KALRN: variants seen among roughly 807,000 people sequenced by gnomAD.
KALRN encodes the protein kalirin RhoGEF kinase.
A neutral mutation model predicts 353.7 loss-of-function variants in KALRN; 70 were observed. That is an observed-to-expected ratio of 0.20 (90% CI 0.16 to 0.24). The LOEUF (loss-of-function observed/expected upper bound fraction) is 0.24. KALRN is among the 10% of genes least tolerant of loss of function. The pLI, the probability that KALRN is intolerant of heterozygous loss-of-function variation, is 1.00. For missense variants in KALRN, 2,791 were observed against 3,756.7 expected, an observed-to-expected ratio of 0.74 and a Z score of 6.72; for synonymous variants, 1,391 against 1,434.8, an observed-to-expected ratio of 0.97 and a Z score of 0.69.
At chr3:124,382,154 G>T (rs1386333430) in intron 10 of KALRN, among the ~76,000 whole-genome samples, 1 of 152,160 alleles carries the variant, frequency 6.6e-6, no homozygotes, top group East Asian at 1.9e-4. Context: ...TATGATGGCT[G>T]CATCAACTTC....
intron 38 of KALRN, among the ~76,000 whole-genome samples, chr3:124,652,770 G>A (rs892506850): frequency 7.2e-5 from 11 of 152,112 alleles, no homozygotes; most frequent in Admixed American, 2.0e-4. Flanking sequence ...GTAGAGACGG[G>A]GTTTCACCGT....
intron 19 of KALRN, among the ~76,000 whole-genome samples, chr3:124,444,627 C>T (rs1434077589): frequency 2.0e-5 from 3 of 148,236 alleles, no homozygotes; most frequent in Non-Finnish European, 3.0e-5. Flanking sequence ...GTGAGACCCC[C>T]ATCTCTACAA....
chr3:124,458,899 A>C (rs148310918), intron 23 of KALRN, among the ~76,000 whole-genome samples: 1,591 of 152,322 alleles, frequency 0.01, 47 homozygotes, highest in Admixed American at 0.046. Context: ...GCTCCACTGC[A>C]CTCCAGCCTG....
At chr3:124,630,861 C>T (rs896783473) in intron 34 of KALRN, among the ~76,000 whole-genome samples, 2 of 152,176 alleles carry the variant, frequency 1.3e-5, no homozygotes, top group Non-Finnish European at 2.9e-5. Context: ...AACTCTTGTT[C>T]TCCAATCACT....
At chr3:124,319,547 A>G (rs1413021157) in intron 6 of KALRN, among the ~76,000 whole-genome samples, 1 of 148,924 alleles carries the variant, frequency 6.7e-6, no homozygotes, top group African/African-American at 2.4e-5. Flanking sequence ...AGTTTTAATA[A>G]CCCTTTTCTC....
At chr3:124,063,202 C>CA (rs1455317616) in intron 1 of KALRN, among the ~76,000 whole-genome samples, 1 of 152,222 alleles carries the variant, frequency 6.6e-6, no homozygotes, top group African/African-American at 2.4e-5. Context: ...ATATGCCAGT[C>CA]AGTCTGTCTC....
At chr3:124,146,451 G>GA (rs929848720) in intron 1 of KALRN, among the ~76,000 whole-genome samples, 4 of 151,396 alleles carry the variant, frequency 2.6e-5, no homozygotes, top group Admixed American at 1.3e-4. Flanking sequence ...AATAAAAGCA[G>GA]AAAAAAAAAT....
intron 1 of KALRN, among the ~76,000 whole-genome samples, chr3:124,143,509 A>G (rs2066895459): frequency 6.6e-6 from 1 of 152,180 alleles, no homozygotes; most frequent in Non-Finnish European, 1.5e-5. Flanking sequence ...GCAACTTGCG[A>G]GCTGTGTGGC....
In KALRN at chr3:124,136,970, G is replaced by A. The variant is rs951204550; in HGVS notation, c.74-91020G>A. On this transcript the variant is annotated intron_variant, in intron 1 of 59. Transcript: ENST00000682506. The stretch of plus-strand genomic sequence containing the variant: ...GCCCTGAGCAGACCCGGATGATTAG[G>A]GAACAGGGTTGATGGGGCAGAGCAG... 2.5e-4 allele frequency among the ~76,000 whole-genome samples: 38 copies of A among 152,184 alleles called. 1 individual carries two copies. The highest frequency in any genetic ancestry group is 9.2e-4 in the African/African-American group (38 of 41,446).
At chr3:124,328,199 T>C (rs1465884823) in intron 7 of KALRN, among the ~76,000 whole-genome samples, 1 of 152,208 alleles carries the variant, frequency 6.6e-6, no homozygotes, top group Non-Finnish European at 1.5e-5. Context: ...GGCCATATCT[T>C]TTTGTCGCCG....
chr3:124,703,086 A>G (rs1400435214), intron 57 of KALRN, among the ~76,000 whole-genome samples: 1 of 152,204 alleles, frequency 6.6e-6, no homozygotes, highest in Non-Finnish European at 1.5e-5. Flanking sequence ...TGGGCCATTG[A>G]CATCATTTCT....
intron 33 of KALRN, among the ~76,000 whole-genome samples, chr3:124,517,417 C>A (rs1435716624): frequency 1.3e-5 from 2 of 152,148 alleles, no homozygotes; most frequent in Admixed American, 6.5e-5. Context: ...GTGATAGAAC[C>A]TTTCACATCA....
At position 124,329,739 on chromosome 3, in the gene KALRN, G is replaced by A. The variant is rs2080314176; in HGVS notation, c.1285-122G>A. 7.3e-6 allele frequency: 8 copies of A among 1,098,558 alleles called. No homozygotes were observed. In the South Asian group the frequency reaches 1.1e-4, roughly 15 times the overall value. 68.1% of individuals were successfully genotyped at this position (1,098,558 alleles called of 1,614,324 possible). ...TAAAAAAACTCTACCCTCTACAGTG[G>A]TCTCTGAAGGCTTTCAGAAGTCCTG... On this transcript the variant is annotated intron_variant, in intron 7 of 59. Coordinates refer to ENST00000682506, the MANE Select transcript of KALRN (RefSeq NM_001388419.1).
chr3:124,377,448 A>T (rs13433928), intron 10 of KALRN, among the ~76,000 whole-genome samples: 17,715 of 151,456 alleles, frequency 0.12, 1,273 homozygotes, highest in Non-Finnish European at 0.16. Flanking sequence ...CTTTGTTGAG[A>T]CTCATTCTAT....
In KALRN at chr3:124,491,365, T is replaced by C; in HGVS notation, c.4630T>C (p.Cys1544Arg). 6.2e-7 allele frequency: 1 copy of C among 1,610,034 alleles called. No homozygotes were observed. The highest frequency in any genetic ancestry group is 8.5e-7 in the Non-Finnish European group (1 of 1,177,936). The change falls in exon 31 of 60, where the codon TGC (cysteine) becomes CGC (arginine). Residue 1544 changes from cysteine to arginine, a missense_variant. By Grantham distance (180) the Cys-to-Arg change is radical (BLOSUM62 -3). Coordinates refer to ENST00000682506, the MANE Select transcript of KALRN (RefSeq NM_001388419.1). ...GACCGAGCACGTGGAGGGCGATCCC[T>C]GCAAATTCGCCTTGTGGTCTGGGCG... ...GVTEHVEGDP[C>R]KFALWSGRTP...
Position 124,562,977 on chromosome 3 carries a change from C to T in KALRN, c.5070C>T (p.Val1690=), listed in dbSNP as rs781155522. The T allele has an allele frequency of 1.5e-6, 2 of 1,367,878 alleles. No individual in the cohort carries two copies. Among genetic ancestry groups the T allele is most frequent in the Non-Finnish European group, 2.0e-6 (2 of 1,022,004 alleles). The allele number at this position is 1,367,878 out of a possible 1,614,324, so 84.7% of individuals were successfully genotyped here. The change falls in exon 34 of 60, where the codon GTC becomes GTT. Residue 1690 remains valine (V), a synonymous_variant. Transcript: ENST00000682506. ...GCGAGCGGCCTGGTTGGTGTCTGGT[C>T]CGTACCACCGAACGGAGCCCGCCCT... The part of the protein sequence containing the change: ...RPSERPGWCL[V]RTTERSPPLE...
intron 1 of KALRN, among the ~76,000 whole-genome samples, chr3:124,124,313 T>A (rs115754331): frequency 0.02 from 3,100 of 152,264 alleles, 95 homozygotes; most frequent in African/African-American, 0.071. Flanking sequence ...GCAAGAAAAC[T>A]AGAATTAGAA....
At chr3:124,685,421 C>T (rs1419301479) in intron 51 of KALRN, among the ~76,000 whole-genome samples, 1 of 152,136 alleles carries the variant, frequency 6.6e-6, no homozygotes, top group Non-Finnish European at 1.5e-5. Flanking sequence ...AGTTTCTCAC[C>T]CTCCTGGGGG....
intron 8 of KALRN, among the ~76,000 whole-genome samples, chr3:124,333,284 G>A (rs2149454852): frequency 6.6e-6 from 1 of 152,314 alleles, no homozygotes; most frequent in East Asian, 1.9e-4. Context: ...TATCAATGGT[G>A]ATGATGATGA....
Sources: gnomAD v4.1 joint callset for allele counts (sites outside exome capture counted in the v4.1 genomes callset) on GRCh38, gnomAD v4.1.1 for gene constraint, MANE v1.5 for transcripts, NCBI Gene and HGNC (gene_info 2026-07-23, HGNC 2026-07-21) for gene names.